DACH1: variants seen among roughly 807,000 people sequenced by gnomAD.
DACH1 encodes dachshund family transcription factor 1, also known as dachshund homolog 1.
DACH1 carries 12 observed loss-of-function variants against 54.2 expected under a neutral mutation model. The ratio of observed to expected loss-of-function variants is 0.22; its 90% CI spans 0.14 to 0.36. The LOEUF is 0.36. Ranked by LOEUF, DACH1 falls within the 10% of genes least tolerant of loss-of-function variation. The pLI, the probability that DACH1 is intolerant of heterozygous loss-of-function variation, is 1.00. For synonymous variants in DACH1, 386 were observed against 366.2 expected (o/e 1.05, Z -0.62); for missense variants, 805 against 929.8 (o/e 0.87, Z 1.75).
At chr13:71,620,172 A>G (rs1438386820) in intron 3 of DACH1, among the ~76,000 whole-genome samples, 1 of 152,000 alleles carries the variant, frequency 6.6e-6, no homozygotes, top group Non-Finnish European at 1.5e-5. Flanking sequence ...TTCCAAAAAT[A>G]TAGTTAGGAT....
chr13:71,807,450 T>C (rs1887551210), intron 1 of DACH1, among the ~76,000 whole-genome samples: 1 of 141,400 alleles, frequency 7.1e-6, no homozygotes, highest in Non-Finnish European at 1.5e-5. Context: ...ATCCTCAATA[T>C]GTAAAAATAG....
chr13:71,719,423 CA>C (rs1883130362), intron 1 of DACH1, among the ~76,000 whole-genome samples: 1 of 152,142 alleles, frequency 6.6e-6, no homozygotes, highest in South Asian at 2.1e-4. Context: ...CTTAACACCC[CA>C]CATTCTCACC....
At chr13:71,705,334 G>A (rs1882383860) in intron 1 of DACH1, among the ~76,000 whole-genome samples, 1 of 151,826 alleles carries the variant, frequency 6.6e-6, no homozygotes, top group Admixed American at 6.6e-5. Flanking sequence ...ACTAGAAAAT[G>A]CTCTAAAGCG....
chr13:71,531,864 G>A (rs1210852852), intron 6 of DACH1, among the ~76,000 whole-genome samples: 1 of 151,810 alleles, frequency 6.6e-6, no homozygotes, highest in Non-Finnish European at 1.5e-5. Context: ...TGAGTATTTA[G>A]ACCTCATTCT....
intron 2 of DACH1, among the ~76,000 whole-genome samples, 191 bp from the exon 3 acceptor site, chr13:71,630,908 A>G (rs948462564): frequency 1.3e-5 from 2 of 152,172 alleles, no homozygotes; most frequent in Admixed American, 6.5e-5. Flanking sequence ...ATTGATTGCT[A>G]CAGTCCAAAA....
chr13:71,828,342 G>A (rs1021813434), intron 1 of DACH1, among the ~76,000 whole-genome samples: 1 of 151,970 alleles, frequency 6.6e-6, no homozygotes, highest in African/African-American at 2.4e-5. Context: ...ATCTGTGTCT[G>A]CTTCTCTCTC....
intron 6 of DACH1, among the ~76,000 whole-genome samples, chr13:71,541,101 A>G (rs1470742537): frequency 1.3e-5 from 2 of 151,990 alleles, no homozygotes; most frequent in African/African-American, 2.4e-5. Flanking sequence ...AAATATTTTC[A>G]TAAGTAATAA....
At chr13:71,782,285 A>G (rs1375779299) in intron 1 of DACH1, among the ~76,000 whole-genome samples, 1 of 152,080 alleles carries the variant, frequency 6.6e-6, no homozygotes, top group Non-Finnish European at 1.5e-5. Context: ...TATTAAAAAT[A>G]CAAAAAATTA....
At chr13:71,811,638 T>C (rs1193146886) in intron 1 of DACH1, among the ~76,000 whole-genome samples, 2 of 152,166 alleles carry the variant, frequency 1.3e-5, no homozygotes, top group African/African-American at 4.8e-5. Context: ...GGCTTTGGGT[T>C]CCTCAAGCCA....
intron 1 of DACH1, among the ~76,000 whole-genome samples, chr13:71,794,724 C>T (rs1052807881): frequency 6.6e-6 from 1 of 152,194 alleles, no homozygotes; most frequent in Admixed American, 6.5e-5. Flanking sequence ...AGGCGTGAGC[C>T]ACCGCACCCA....
intron 2 of DACH1, chr13:71,675,165 AG>A: frequency 1.9e-6 from 3 of 1,581,696 alleles, no homozygotes; most frequent in Non-Finnish European, 2.6e-6. Context: ...CCTCTACTGG[AG>A]GGGTGAAGAA....
intron 2 of DACH1, among the ~76,000 whole-genome samples, chr13:71,632,937 G>T (rs1169007942): frequency 6.6e-6 from 1 of 151,970 alleles, no homozygotes; most frequent in Non-Finnish European, 1.5e-5. Context: ...TTTCTTTCCT[G>T]TTCTCTTAAA....
In DACH1 at chr13:71,742,432, G is replaced by A. The variant is rs145473373; in HGVS notation, c.849-60522C>T. On this transcript the variant is annotated intron_variant, in intron 1 of 10. Coordinates refer to ENST00000613252, the MANE Select transcript of DACH1 (RefSeq NM_080759.6). ...TTGTCCCTCCAAATATCATACTAAT[G>A]TTGAAATTATAACATGTAAAATGTT... is the stretch of plus-strand genomic sequence containing the variant. Among the ~76,000 whole-genome samples the A allele has an allele frequency of 7.4e-3, 1,131 of 152,112 alleles. 11 individuals carry two copies. The highest frequency in any genetic ancestry group is 0.011 in the Non-Finnish European group (752 of 68,000).
chr13:71,642,155 T>C (rs933924317), intron 2 of DACH1, among the ~76,000 whole-genome samples: 4 of 152,218 alleles, frequency 2.6e-5, no homozygotes, highest in Non-Finnish European at 5.9e-5. Context: ...GTAGTTATAC[T>C]GATCCAATGA....
rs578230392 is a variant in DACH1 at position 71,592,653 on chromosome 13, C to T, written c.1127-19641G>A. On this transcript the variant is annotated intron_variant, in intron 3 of 10. Coordinates refer to ENST00000613252, the MANE Select transcript of DACH1 (RefSeq NM_080759.6). ...ATTTGAGGGGAGCAGATTTCAATAC[C>T]GAAAAATAGCTAATACAGTATGAGC... Among the ~76,000 whole-genome samples the T allele has an allele frequency of 3.6e-4, 55 of 151,524 alleles. 1 individual carries two copies. The South Asian group carries it at 0.01, about 28-fold the overall frequency.
chr13:71,777,047 T>G (rs1886093267), intron 1 of DACH1, among the ~76,000 whole-genome samples: 1 of 152,210 alleles, frequency 6.6e-6, no homozygotes, highest in East Asian at 1.9e-4. Context: ...ATCTATTCTT[T>G]CAGCTTCCTG....
chr13:71,455,488 A>G (rs531911269), intron 10 of DACH1, among the ~76,000 whole-genome samples: 1 of 152,192 alleles, frequency 6.6e-6, no homozygotes, highest in Non-Finnish European at 1.5e-5. Context: ...CTTAAAGAGC[A>G]ATATTATTTC....
At chr13:71,486,559 C>G (rs932017411) in intron 7 of DACH1, among the ~76,000 whole-genome samples, 2 of 151,886 alleles carry the variant, frequency 1.3e-5, no homozygotes, top group Non-Finnish European at 2.9e-5. Context: ...GAAATCATTA[C>G]TAACAATAAA....
intron 1 of DACH1, among the ~76,000 whole-genome samples, chr13:71,797,586 G>T (rs1259392256): frequency 6.6e-6 from 1 of 152,048 alleles, no homozygotes; most frequent in Admixed American, 6.6e-5. Flanking sequence ...AGGCCTATGG[G>T]GAGACACCAT....
Sources: allele counts gnomAD v4.1 joint callset (sites outside exome capture counted in the v4.1 genomes callset), GRCh38; gene constraint gnomAD v4.1.1; transcripts MANE v1.5; gene names NCBI Gene and HGNC (gene_info 2026-07-23, HGNC 2026-07-21).